The following IL21R variants were observed in gnomAD, a reference collection of about 807,000 sequenced individuals.
IL21R encodes the protein interleukin 21 receptor, also known as interleukin-21 receptor.
A neutral mutation model predicts 41.3 loss-of-function variants in IL21R; 14 were observed. The observed-to-expected ratio is 0.34, with a 90% CI of 0.22 to 0.53. The LOEUF is 0.53. Ranked by LOEUF, IL21R falls within the 20% of genes least tolerant of loss-of-function variation. The pLI is 0.94. For synonymous variants in IL21R, 286 were observed against 287.6 expected (o/e 0.99, Z 0.05); for missense variants, 588 against 681.6 (o/e 0.86, Z 1.53).
intron 5 of IL21R, 120 bp from the exon 6 acceptor site, chr16:27,444,422 T>A: frequency 1.6e-6 from 1 of 618,618 alleles, no homozygotes; most frequent in Non-Finnish European, 2.6e-6. Flanking sequence ...TTGATTCTTG[T>A]GGGAAGAGAA....
intron 1 of IL21R, among the ~76,000 whole-genome samples, chr16:27,412,163 G>C (rs538171459): frequency 4.7e-4 from 71 of 152,204 alleles, no homozygotes; most frequent in African/African-American, 1.6e-3. Flanking sequence ...ATGGATATTT[G>C]GTTCTTCCAG....
chr16:27,433,934 C>T (rs928671992), intron 2 of IL21R, among the ~76,000 whole-genome samples: 1 of 151,976 alleles, frequency 6.6e-6, no homozygotes, highest in Non-Finnish European at 1.5e-5. Flanking sequence ...AGGTCCTGAC[C>T]CTCTTGGGGT....
intron 1 of IL21R, among the ~76,000 whole-genome samples, chr16:27,406,883 AGGGCCACT>A (rs1056849117): frequency 6.6e-6 from 1 of 152,200 alleles, no homozygotes; most frequent in Non-Finnish European, 1.5e-5. Flanking sequence ...TTTCTGACCC[AGGGCCACT>A]GGGCTAGTTC....
At chr16:27,423,763 C>T (rs1376811481) in intron 1 of IL21R, among the ~76,000 whole-genome samples, 1 of 152,116 alleles carries the variant, frequency 6.6e-6, no homozygotes, top group Non-Finnish European at 1.5e-5. Context: ...CTGATGATGG[C>T]TATTTAGATT....
At chr16:27,429,137 T>C (rs898434970) in intron 1 of IL21R, among the ~76,000 whole-genome samples, 51 of 152,086 alleles carry the variant, frequency 3.4e-4, no homozygotes, top group African/African-American at 1.1e-3. Context: ...GGCAGGAGAA[T>C]CGCTTGAACC....
rs60418304 is a variant in IL21R, at chr16:27,440,222, AATATAT to A, written c.352+2557_352+2562del. Among the ~76,000 whole-genome samples the A allele has an allele frequency of 8.9e-3, 675 of 75,876 alleles. 9 individuals are homozygous for A. The highest frequency in any genetic ancestry group is 0.015 in the South Asian group (36 of 2,376). The allele number at this position is 75,876 out of a possible 152,430, so 49.8% of individuals were successfully genotyped here. A position where few individuals can be genotyped will look rare whatever the true frequency, so the allele number is the denominator to read the frequency against. ...GCAAGGTTCATTAGTTAATCTGACA[AATATAT>A]ATATATATATATATATATATAGAGA... On this transcript the variant is annotated intron_variant, in intron 4 of 8. Coordinates refer to ENST00000337929, the MANE Select transcript of IL21R (RefSeq NM_181078.3).
At chr16:27,442,225 CAT>C (rs1246437591) in intron 4 of IL21R, among the ~76,000 whole-genome samples, 1 of 135,238 alleles carries the variant, frequency 7.4e-6, no homozygotes, top group African/African-American at 2.9e-5. Context: ...TGTGGGCATG[CAT>C]GTGTGTGGGT....
chr16:27,413,106 A>G (rs931631039), intron 1 of IL21R, among the ~76,000 whole-genome samples: 16 of 152,140 alleles, frequency 1.1e-4, no homozygotes, highest in Admixed American at 1.0e-3. Context: ...CTTTTTATAT[A>G]TAAACTTTGT....
chr16:27,439,541 C>T (rs1596590835), intron 4 of IL21R, among the ~76,000 whole-genome samples: 1 of 151,852 alleles, frequency 6.6e-6, no homozygotes, highest in South Asian at 2.1e-4. Context: ...CACATATACA[C>T]ATACTCATAC....
chr16:27,425,976 T>A (rs1386086622), intron 1 of IL21R, among the ~76,000 whole-genome samples: 5 of 151,920 alleles, frequency 3.3e-5, no homozygotes, highest in East Asian at 1.9e-4. Flanking sequence ...TTAGTTTTTA[T>A]GTTGTATTGT....
rs373093322 is a variant in IL21R, at chr16:27,439,089, T to A, written c.352+1402T>A. On this transcript the variant is annotated intron_variant, in intron 4 of 8. Transcript: ENST00000337929. ...CAGAGGGGCTGGGGTATAAGAGGTG[T>A]CTGTGATTCACACTCTGGGGGTCCA... 3.4e-4 allele frequency among the ~76,000 whole-genome samples: 51 copies of A among 152,150 alleles called. 1 individual carries two copies. The highest frequency in any genetic ancestry group is 1.2e-3 in the African/African-American group (48 of 41,514).
chr16:27,449,223 C>T lies in IL21R; in HGVS notation c.1557C>T (p.Tyr519=), dbSNP rs765430693. Residue 519 remains tyrosine, a synonymous_variant, in exon 9 of 9, where the codon TAC becomes TAT. Transcript: ENST00000337929. ...GGGACGAAGGACCCCCCCGGAGCTA[C>T]CTCCGCCAGTGGGTGGTCATTCCTC... is the stretch of plus-strand genomic sequence containing the variant. ...SPGDEGPPRS[Y]LRQWVVIPPP... 4.3e-5 allele frequency: 69 copies of T among 1,612,330 alleles called. No homozygotes were observed. Among genetic ancestry groups the T allele is most frequent in the Non-Finnish European group, 5.5e-5 (65 of 1,179,736 alleles).
chr16:27,449,496 T>C lies in IL21R; in HGVS notation c.*213T>C. The C allele has an allele frequency of 1.7e-6, 1 of 587,516 alleles. No homozygotes were observed. The highest frequency in any genetic ancestry group is 3.0e-6 in the Non-Finnish European group (1 of 335,234). 36.4% of individuals were successfully genotyped at this position (587,516 alleles called of 1,614,324 possible). A position where few individuals can be genotyped will look rare whatever the true frequency, so the allele number is the denominator to read the frequency against. On this transcript the variant is annotated 3_prime_UTR_variant, in exon 9 of 9. Coordinates refer to ENST00000337929, the MANE Select transcript of IL21R (RefSeq NM_181078.3). ...TGTGTGTCTTAGGTGCGCAGTGGCA[T>C]GTCCACGTGTGTGTGTGATTGCACG...
intron 1 of IL21R, among the ~76,000 whole-genome samples, chr16:27,417,893 A>G (rs1051052107): frequency 3.3e-5 from 5 of 152,176 alleles, no homozygotes; most frequent in African/African-American, 1.2e-4. Flanking sequence ...AAGGCCCAGG[A>G]CATTGCTGTA....
chr16:27,449,202 C>T lies in IL21R; in HGVS notation c.1536C>T (p.Asp512=), dbSNP rs144096734. 1.3e-4 allele frequency: 212 copies of T among 1,612,776 alleles called. No individual in the cohort carries two copies. The highest frequency in any genetic ancestry group is 1.6e-4 in the Non-Finnish European group (191 of 1,179,968). Residue 512 remains aspartate, a synonymous_variant, in exon 9 of 9, where the codon GAC becomes GAT. Transcript: ENST00000337929. ...AGTGTGACTTCACCAGCCCCGGGGACGAAGGACCCCCCCGGAGCTACCTCC... is the reference window on the plus strand; with the variant it reads ...AGTGTGACTTCACCAGCCCCGGGGATGAAGGACCCCCCCGGAGCTACCTCC... ...PVECDFTSPG[D]EGPPRSYLRQ...
chr16:27,428,838 A>G (rs1157499659), intron 1 of IL21R, among the ~76,000 whole-genome samples: 1 of 152,210 alleles, frequency 6.6e-6, no homozygotes, highest in Non-Finnish European at 1.5e-5. Flanking sequence ...GTGATGGAGT[A>G]AGGAGCCTCA....
Position 27,427,345 on chromosome 16 carries a change from C to G in IL21R, c.-16-2711C>G, listed in dbSNP as rs3093289. 749 of 984,756 alleles carry G rather than the reference C, an allele frequency of 7.6e-4. 3 individuals carry two copies. The African/African-American group carries it at 0.012, about 16-fold the overall frequency. The allele number at this position is 984,756 out of a possible 1,614,324, so 61.0% of individuals were successfully genotyped here. On this transcript the variant is annotated intron_variant, in intron 1 of 8. Transcript: ENST00000337929. The stretch of plus-strand genomic sequence containing the variant: ...GTACCCCCTCCACATCCCTAGGGCT[C>G]TGTGATGTAGGCAGAGGTAAGAAAT...
chr16:27,448,361 A>T, intron 8 of IL21R, 173 bp from the exon 9 acceptor site: 1 of 660,732 alleles, frequency 1.5e-6, no homozygotes, highest in South Asian at 2.3e-5. Flanking sequence ...AGGCTGAGGC[A>T]GGAGAATCAC....
intron 1 of IL21R, among the ~76,000 whole-genome samples, chr16:27,403,493 G>A (rs1039129334): frequency 2.6e-5 from 4 of 152,140 alleles, no homozygotes; most frequent in African/African-American, 7.2e-5. Flanking sequence ...TGGTGGAGTC[G>A]GGGAAAACCT....
Sources: allele counts gnomAD v4.1 joint callset (sites outside exome capture counted in the v4.1 genomes callset), GRCh38; gene constraint gnomAD v4.1.1; transcripts MANE v1.5; gene names NCBI Gene and HGNC (gene_info 2026-07-23, HGNC 2026-07-21).